The following SEMA3E variants were observed in gnomAD, a reference collection of about 807,000 sequenced individuals.
SEMA3E encodes the protein semaphorin-3E.
A neutral mutation model predicts 93.6 loss-of-function variants in SEMA3E; 49 were observed. The observed-to-expected ratio is 0.52, with a 90% CI of 0.42 to 0.66. SEMA3E has a LOEUF of 0.66. SEMA3E is among the 30% of genes least tolerant of loss of function. The pLI, the probability that SEMA3E is intolerant of heterozygous loss-of-function variation, is 0.00. For missense variants in SEMA3E, 906 were observed against 964.8 expected (o/e 0.94, Z 0.81); for synonymous variants, 363 against 330.7 (o/e 1.10, Z -1.06).
Position 83,386,993 on chromosome 7 carries a change from T to C in SEMA3E, c.1725A>G (p.Gln575=), listed in dbSNP as rs574901886. ...TTTTCTATGGATTACCAACAAACTG[T>C]TGTCCAAAGCACTGCTGAGCTGCAT... The part of the protein sequence containing the change: ...HGNAAQQCFG[Q]QFVGDALDKT... The change falls in exon 15 of 17, where the codon CAA becomes CAG. Residue 575 remains glutamine, a synonymous_variant. Coordinates refer to ENST00000643230, the MANE Select transcript of SEMA3E (RefSeq NM_012431.3). 301 of 1,613,304 alleles carry C rather than the reference T, an allele frequency of 1.9e-4. 3 individuals are homozygous for C. In the South Asian group the frequency reaches 2.9e-3, roughly 16 times the overall value.
At chr7:83,597,624 C>T (rs763300369) in intron 1 of SEMA3E, among the ~76,000 whole-genome samples, 10 of 152,132 alleles carry the variant, frequency 6.6e-5, no homozygotes, top group Non-Finnish European at 1.2e-4. Context: ...GCAATTGATG[C>T]TACATTTTAT....
In SEMA3E at chr7:83,405,403, G is replaced by A. The variant is rs777256690; in HGVS notation, c.998+47C>T. The A allele has an allele frequency of 1.6e-5, 22 of 1,334,042 alleles. No individual in the cohort carries two copies. The South Asian group carries it at 2.6e-4, about 16-fold the overall frequency. The allele number at this position is 1,334,042 out of a possible 1,614,324, so 82.6% of individuals were successfully genotyped here. On this transcript the variant is annotated intron_variant, in intron 9 of 16. Transcript: ENST00000643230. ...CACCATGAAGGGAGAGTCCGGTGAG[G>A]CATCTCTTGTTCTATATTGTTTTTA...
chr7:83,411,961 T>C (rs187254418), intron 5 of SEMA3E, among the ~76,000 whole-genome samples: 1 of 152,270 alleles, frequency 6.6e-6, no homozygotes. Flanking sequence ...GTAGAAATAG[T>C]TCTGCAGTGG....
chr7:83,620,195 T>C (rs867979154), intron 1 of SEMA3E, among the ~76,000 whole-genome samples: 1 of 151,832 alleles, frequency 6.6e-6, no homozygotes, highest in African/African-American at 2.4e-5. Flanking sequence ...TAAAAAAAAA[T>C]ACAAATGATG....
intron 2 of SEMA3E, among the ~76,000 whole-genome samples, chr7:83,473,660 T>C (rs900340960): frequency 6.6e-6 from 1 of 152,252 alleles, no homozygotes; most frequent in East Asian, 1.9e-4. Flanking sequence ...CATGCATTCC[T>C]GTGCGGAAAT....
chr7:83,377,052 T>G (rs1787657566), intron 16 of SEMA3E, among the ~76,000 whole-genome samples: 2 of 151,978 alleles, frequency 1.3e-5, no homozygotes, highest in Admixed American at 1.3e-4. Flanking sequence ...CTACAGGAGA[T>G]TTGTGTAAAT....
At chr7:83,475,463 C>G (rs540712032) in intron 2 of SEMA3E, among the ~76,000 whole-genome samples, 3 of 152,110 alleles carry the variant, frequency 2.0e-5, no homozygotes, top group Non-Finnish European at 4.4e-5. Context: ...TCGATCTCCC[C>G]CTAGACAAAG....
At chr7:83,638,501 C>T (rs1203612761) in intron 1 of SEMA3E, among the ~76,000 whole-genome samples, 1 of 152,164 alleles carries the variant, frequency 6.6e-6, no homozygotes, top group African/African-American at 2.4e-5. Context: ...ACAATTTACA[C>T]CATCAATAAT....
At chr7:83,443,129 T>A (rs1382647315) in intron 4 of SEMA3E, among the ~76,000 whole-genome samples, 1 of 152,106 alleles carries the variant, frequency 6.6e-6, no homozygotes, top group African/African-American at 2.4e-5. Context: ...CAAAGAGACG[T>A]CCAGTTACTG....
At chr7:83,616,216 C>G (rs1793364373) in intron 1 of SEMA3E, among the ~76,000 whole-genome samples, 1 of 152,072 alleles carries the variant, frequency 6.6e-6, no homozygotes, top group Non-Finnish European at 1.5e-5. Flanking sequence ...CCATTTCAAA[C>G]TGTGGTAGTA....
chr7:83,550,027 T>C (rs1295232402), intron 1 of SEMA3E, among the ~76,000 whole-genome samples: 4 of 152,058 alleles, frequency 2.6e-5, no homozygotes, highest in African/African-American at 9.7e-5. Flanking sequence ...ATTTTTGCAA[T>C]GTAAAAACCA....
chr7:83,457,925 G>T (rs1020098809), intron 4 of SEMA3E, among the ~76,000 whole-genome samples: 2 of 151,998 alleles, frequency 1.3e-5, no homozygotes, highest in Non-Finnish European at 2.9e-5. Context: ...TTGCCTAAAT[G>T]ATTTGTAACT....
At chr7:83,536,900 A>C (rs565121874) in intron 1 of SEMA3E, among the ~76,000 whole-genome samples, 1 of 152,176 alleles carries the variant, frequency 6.6e-6, no homozygotes, top group African/African-American at 2.4e-5. Context: ...GTATGTTGAC[A>C]CCCTAACCCC....
At chr7:83,496,710 C>T (rs191522650) in intron 1 of SEMA3E, among the ~76,000 whole-genome samples, 6 of 152,004 alleles carry the variant, frequency 3.9e-5, no homozygotes, top group African/African-American at 1.2e-4. Flanking sequence ...TTTAGAGTCA[C>T]TCCTTTAAGT....
intron 1 of SEMA3E, among the ~76,000 whole-genome samples, chr7:83,518,325 A>G (rs1403570204): frequency 6.6e-6 from 1 of 152,120 alleles, no homozygotes; most frequent in Non-Finnish European, 1.5e-5. Flanking sequence ...CAGAAAAAAA[A>G]AGATAGCAGA....
At chr7:83,590,710 T>A (rs963858317) in intron 1 of SEMA3E, among the ~76,000 whole-genome samples, 4 of 152,182 alleles carry the variant, frequency 2.6e-5, no homozygotes, top group African/African-American at 9.6e-5. Context: ...TGTCTAGCTA[T>A]GATGCCTGTA....
chr7:83,383,748 A>G (rs981419018), intron 16 of SEMA3E, among the ~76,000 whole-genome samples: 2 of 151,988 alleles, frequency 1.3e-5, no homozygotes, highest in Admixed American at 1.3e-4. Flanking sequence ...TTTGGTAAAG[A>G]TTTCCAAATG....
intron 1 of SEMA3E, among the ~76,000 whole-genome samples, chr7:83,644,379 A>G (rs547812065): frequency 4.2e-4 from 64 of 152,088 alleles, no homozygotes; most frequent in African/African-American, 1.3e-3. Context: ...CTTCTATATT[A>G]GCATTATCCT....
At chr7:83,627,118 A>C (rs1793685807) in intron 1 of SEMA3E, among the ~76,000 whole-genome samples, 1 of 152,138 alleles carries the variant, frequency 6.6e-6, no homozygotes, top group African/African-American at 2.4e-5. Context: ...GGAGTGTTTT[A>C]CTTCCAATTA....
Sources: gnomAD v4.1 joint callset for allele counts (sites outside exome capture counted in the v4.1 genomes callset) on GRCh38, gnomAD v4.1.1 for gene constraint, MANE v1.5 for transcripts, NCBI Gene and HGNC (gene_info 2026-07-23, HGNC 2026-07-21) for gene names.